ATP9A: variants seen among roughly 807,000 people sequenced by gnomAD.
ATP9A encodes the protein ATPase phospholipid transporting 9A.
Under a neutral mutation model 144.1 loss-of-function variants are expected in ATP9A, and 52 were observed. The ratio of observed to expected loss-of-function variants is 0.36; its 90% CI spans 0.29 to 0.45. The LOEUF is 0.45. Ranked by LOEUF, ATP9A falls within the 20% of genes least tolerant of loss-of-function variation. The pLI is 1.00. For missense variants in ATP9A, 947 were observed against 1,392.7 expected (o/e 0.68, Z 5.09); for synonymous variants, 582 against 557.4 (o/e 1.04, Z -0.62).
chr20:51,751,252 G>GTTTTTTT (rs1160458034), intron 1 of ATP9A, among the ~76,000 whole-genome samples: 2 of 131,878 alleles, frequency 1.5e-5, no homozygotes, highest in Non-Finnish European at 3.2e-5. Flanking sequence ...ACGTTTCTGG[G>GTTTTTTT]TTTTTTTTGT....
At chr20:51,681,369 A>T (rs6067892) in intron 9 of ATP9A, among the ~76,000 whole-genome samples, 1 of 151,188 alleles carries the variant, frequency 6.6e-6, no homozygotes, top group African/African-American at 2.4e-5. Context: ...CTTTTTACTG[A>T]TTTTGGAGGA....
intron 27 of ATP9A, among the ~76,000 whole-genome samples, chr20:51,603,811 T>C (rs780573099): frequency 2.6e-5 from 4 of 152,004 alleles, no homozygotes; most frequent in South Asian, 4.1e-4. Context: ...AATGGAGTCT[T>C]ACTCTGTCGC....
At chr20:51,636,193 G>T (rs1408579581) in intron 15 of ATP9A, among the ~76,000 whole-genome samples, 2 of 152,158 alleles carry the variant, frequency 1.3e-5, no homozygotes, top group East Asian at 1.9e-4. Context: ...CCAATCTGAG[G>T]GTTCCTGAGT....
At chr20:51,681,424 T>TTCC (rs2077499253) in intron 9 of ATP9A, among the ~76,000 whole-genome samples, 2 of 116,436 alleles carry the variant, frequency 1.7e-5, no homozygotes, top group Admixed American at 1.7e-4. Context: ...CCATCCTAAA[T>TTCC]TTCTTTTTTT....
chr20:51,670,087 C>T lies in ATP9A; in HGVS notation c.1203G>A (p.Met401Ile). 8 of 1,614,112 alleles carry T rather than the reference C, an allele frequency of 5.0e-6. No homozygotes were observed. Among genetic ancestry groups the T allele is most frequent in the Non-Finnish European group, 6.8e-6 (8 of 1,179,992 alleles). ...TTCCGAGATGGAGCCGTTTGAAAAT[C>T]ATCTCGTTCTGGGTAAGAGTGCCTA... ...DKTGTLTQNE[M>I]IFKRLHLGTV... Residue 401 changes from methionine (M) to isoleucine (I), a missense_variant, in exon 13 of 28, where the codon ATG becomes ATA. This residue lies in a region of ATP9A where 770 missense variants were observed against 1,047.9 expected (regional missense o/e 0.73). Coordinates refer to ENST00000338821, the MANE Select transcript of ATP9A (RefSeq NM_006045.3).
At chr20:51,672,730 A>C (rs2077461274) in intron 11 of ATP9A, among the ~76,000 whole-genome samples, 1 of 152,222 alleles carries the variant, frequency 6.6e-6, no homozygotes, top group Non-Finnish European at 1.5e-5. Flanking sequence ...AAAAATATGT[A>C]ATTTAATATT....
chr20:51,653,430 C>A (rs908209472), intron 14 of ATP9A, among the ~76,000 whole-genome samples: 6 of 152,132 alleles, frequency 3.9e-5, no homozygotes, highest in African/African-American at 1.4e-4. Context: ...GAGATGCCAA[C>A]AGGAGCATCA....
At position 51,694,422 on chromosome 20, in the gene ATP9A, C is replaced by T. The variant is rs564451760; in HGVS notation, c.548-320G>A. 2.6e-5 allele frequency among the ~76,000 whole-genome samples: 4 copies of T among 152,216 alleles called. No individual in the cohort carries two copies. In the South Asian group the frequency reaches 6.2e-4, roughly 24 times the overall value. The stretch of plus-strand genomic sequence containing the variant: ...GTAAAGATTCAATGGGGAGATAGAA[C>T]GGGGACGAGCACAGGTTGACCAGCA... On this transcript the variant is annotated intron_variant, in intron 6 of 27. Transcript: ENST00000338821.
chr20:51,648,135 C>CAAA (rs1274080948), intron 14 of ATP9A, among the ~76,000 whole-genome samples: 2 of 152,202 alleles, frequency 1.3e-5, no homozygotes, highest in African/African-American at 2.4e-5. Flanking sequence ...TGAATGCTGT[C>CAAA]ATTGTCTGGA....
intron 22 of ATP9A, among the ~76,000 whole-genome samples, chr20:51,615,803 T>C (rs1324737253): frequency 6.6e-6 from 1 of 152,116 alleles, no homozygotes; most frequent in Non-Finnish European, 1.5e-5. Flanking sequence ...GCCTGGCTAA[T>C]TTTTGTATTT....
intron 7 of ATP9A, 90 bp downstream of exon 7, chr20:51,693,918 G>GC: frequency 8.9e-7 from 1 of 1,125,616 alleles, no homozygotes; most frequent in Non-Finnish European, 1.3e-6. Context: ...TTCACAAGTT[G>GC]CCATCCCATG....
intron 17 of ATP9A, among the ~76,000 whole-genome samples, chr20:51,625,587 C>T (rs1431555808): frequency 6.6e-6 from 1 of 152,200 alleles, no homozygotes; most frequent in Non-Finnish European, 1.5e-5. Context: ...TCCACACTCA[C>T]CTGCTGGGAG....
chr20:51,641,581 G>A (rs1389380384), intron 14 of ATP9A, among the ~76,000 whole-genome samples: 4 of 151,690 alleles, frequency 2.6e-5, no homozygotes, highest in African/African-American at 9.7e-5. Context: ...TTGGGAGGCT[G>A]AGGTGAGTGG....
intron 22 of ATP9A, 57 bp downstream of exon 22, chr20:51,617,433 G>A (rs1261861795): frequency 1.3e-6 from 2 of 1,539,668 alleles, no homozygotes; most frequent in African/African-American, 1.4e-5. Flanking sequence ...TGTCTTTGAG[G>A]GAAAAAGAAC....
chr20:51,616,598 C>T (rs1007318081), intron 22 of ATP9A, among the ~76,000 whole-genome samples: 35 of 152,294 alleles, frequency 2.3e-4, no homozygotes, highest in African/African-American at 7.9e-4. Flanking sequence ...GGATTACAGG[C>T]GTGAGCCACC....
chr20:51,731,688 C>A (rs575604905), intron 1 of ATP9A, among the ~76,000 whole-genome samples: 1 of 151,280 alleles, frequency 6.6e-6, no homozygotes, highest in South Asian at 2.1e-4. Context: ...CACTGCACTC[C>A]AGCCTGGGTG....
At chr20:51,728,308 A>G (rs1370774693) in intron 2 of ATP9A, among the ~76,000 whole-genome samples, 1 of 152,112 alleles carries the variant, frequency 6.6e-6, no homozygotes, top group East Asian at 1.9e-4. Context: ...GGAAACCAGC[A>G]ATGAATATAG....
intron 1 of ATP9A, among the ~76,000 whole-genome samples, chr20:51,748,907 TTAGATAGATAGATAGA>T (rs34474584): frequency 1.4e-5 from 2 of 143,156 alleles, no homozygotes; most frequent in South Asian, 2.3e-4. Flanking sequence ...CCTCTAAAGA[TTAGATAGATAGATAGA>T]TAGATAGATA....
intron 9 of ATP9A, among the ~76,000 whole-genome samples, chr20:51,682,652 T>C (rs1202656159): frequency 1.5e-5 from 2 of 134,292 alleles, no homozygotes; most frequent in East Asian, 5.0e-4. Context: ...GGTGCAATGG[T>C]GCAATCTTGG....
Sources: gnomAD v4.1 joint callset for allele counts (sites outside exome capture counted in the v4.1 genomes callset) on GRCh38, gnomAD v4.1.1 for gene constraint, gnomAD v4.1.1 regional missense constraint, MANE v1.5 for transcripts, NCBI Gene and HGNC (gene_info 2026-07-23, HGNC 2026-07-21) for gene names.